PRRC1: variants seen among roughly 807,000 people sequenced by gnomAD.
PRRC1 encodes the protein protein PRRC1.
In PRRC1, 39 loss-of-function variants were observed where a neutral mutation model predicts 40.7. The ratio of observed to expected loss-of-function variants is 0.96; its 90% CI spans 0.74 to 1.25. The LOEUF is 1.25. PRRC1 is among the 50% of genes most tolerant of loss of function. PRRC1 has a pLI of 0.00. For synonymous variants in PRRC1, 175 were observed against 193.3 expected, an observed-to-expected ratio of 0.91 and a Z score of 0.79; for missense variants, 573 against 548.3, an observed-to-expected ratio of 1.05 and a Z score of -0.45.
chr5:127,530,695 A>G (rs1314170547), intron 5 of PRRC1, among the ~76,000 whole-genome samples: 5 of 151,546 alleles, frequency 3.3e-5, no homozygotes, highest in Non-Finnish European at 7.4e-5. Context: ...ATTGCTTTAT[A>G]TGAATTTTAC....
In PRRC1 at chr5:127,530,313, T is replaced by C; in HGVS notation, c.674T>C (p.Met225Thr). The C allele has an allele frequency of 1.2e-6, 2 of 1,613,866 alleles. No individual in the cohort carries two copies. Among genetic ancestry groups the C allele is most frequent in the South Asian group, 2.2e-5 (2 of 91,044 alleles). The change falls in exon 5 of 9, where the codon ATG (methionine) becomes ACG (threonine). Residue 225 changes from methionine (M) to threonine (T), a missense_variant. Met to Thr is a moderately conservative substitution (Grantham distance 81). Coordinates refer to ENST00000296666, the MANE Select transcript of PRRC1 (RefSeq NM_130809.5). Reference sequence around the variant, plus strand: ...ATGCAGGGTGTGGCTGGGAATCCTATGGTGAAGTCTGTGCTTGATAAGACA... The same window carrying C: ...ATGCAGGGTGTGGCTGGGAATCCTACGGTGAAGTCTGTGCTTGATAAGACA... The part of the protein sequence containing the change: ...GFIKGVAGNP[M>T]VKSVLDKTKH...
chr5:127,552,324 A>C lies in PRRC1; in HGVS notation c.*408A>C. The C allele has an allele frequency of 3.9e-6, 4 of 1,024,860 alleles. No homozygotes were observed. The highest frequency in any genetic ancestry group is 4.7e-6 in the Non-Finnish European group (4 of 852,708). 63.5% of individuals were successfully genotyped at this position (1,024,860 alleles called of 1,614,324 possible). A position where few individuals can be genotyped will look rare whatever the true frequency, so the allele number is the denominator to read the frequency against. ...TAAAAGCATGATTTGCTTTGGCTTCATCTCTTTTCTGTCAGTCTTTGACTA... is the reference window on the plus strand; with the variant it reads ...TAAAAGCATGATTTGCTTTGGCTTCCTCTCTTTTCTGTCAGTCTTTGACTA... On this transcript the variant is annotated 3_prime_UTR_variant, in exon 9 of 9. Coordinates refer to ENST00000296666, the MANE Select transcript of PRRC1 (RefSeq NM_130809.5).
chr5:127,519,970 T>A (rs1446081221), intron 1 of PRRC1, among the ~76,000 whole-genome samples: 3 of 152,196 alleles, frequency 2.0e-5, no homozygotes, highest in African/African-American at 7.2e-5. Context: ...ATGCCTCCTT[T>A]CCCTTCCTCC....
chr5:127,530,928 A>T (rs1181414235), intron 5 of PRRC1, among the ~76,000 whole-genome samples: 3 of 152,200 alleles, frequency 2.0e-5, no homozygotes, highest in African/African-American at 7.2e-5. Context: ...GACAGTTGAT[A>T]GATACTGTCT....
chr5:127,542,342 T>C (rs1211822254), intron 7 of PRRC1, among the ~76,000 whole-genome samples: 2 of 151,990 alleles, frequency 1.3e-5, no homozygotes, highest in Non-Finnish European at 1.5e-5. Flanking sequence ...GAAAAAAATG[T>C]ATATTCTGTT....
At chr5:127,526,212 A>G (rs1767609145) in intron 3 of PRRC1, among the ~76,000 whole-genome samples, 1 of 152,190 alleles carries the variant, frequency 6.6e-6, no homozygotes, top group Non-Finnish European at 1.5e-5. Flanking sequence ...ATGTCTATGT[A>G]TATGTGAATT....
intron 4 of PRRC1, 135 bp downstream of exon 4, chr5:127,526,913 C>A: frequency 1.4e-6 from 1 of 697,288 alleles, no homozygotes; most frequent in Non-Finnish European, 2.2e-6. Flanking sequence ...TCTGTAGCTG[C>A]TCTCAGTCTC....
intron 5 of PRRC1, among the ~76,000 whole-genome samples, chr5:127,531,815 A>T (rs1767781116): frequency 1.3e-5 from 2 of 151,542 alleles, no homozygotes; most frequent in African/African-American, 2.4e-5. Flanking sequence ...GGGTTTCTCC[A>T]TGTTGGCCAG....
chr5:127,529,789 C>G (rs7732306), intron 4 of PRRC1, among the ~76,000 whole-genome samples: 18,558 of 152,032 alleles, frequency 0.12, 2,243 homozygotes, highest in African/African-American at 0.32. Context: ...AAAGAAGAAA[C>G]TAGTAGAAGA....
chr5:127,533,297 A>G (rs549697064), intron 5 of PRRC1, among the ~76,000 whole-genome samples: 1 of 152,316 alleles, frequency 6.6e-6, no homozygotes, highest in Admixed American at 6.5e-5. Context: ...ATCACTTACT[A>G]TCAGTAAGTC....
At position 127,553,376 on chromosome 5, in the gene PRRC1, A is replaced by G; in HGVS notation, c.*1460A>G. ...TCCAAGCACTGTATAATGACTGTTCAGTGAATATCAGACTTCCGTGTCATT... is the reference window on the plus strand; with the variant it reads ...TCCAAGCACTGTATAATGACTGTTCGGTGAATATCAGACTTCCGTGTCATT... On this transcript the variant is annotated 3_prime_UTR_variant, in exon 9 of 9. Transcript: ENST00000296666. The G allele has an allele frequency of 5.9e-6, 6 of 1,016,096 alleles. No homozygotes were observed. The highest frequency in any genetic ancestry group is 7.1e-6 in the Non-Finnish European group (6 of 850,868). The allele number at this position is 1,016,096 out of a possible 1,614,324, so 62.9% of individuals were successfully genotyped here. A position where few individuals can be genotyped will look rare whatever the true frequency, so the allele number is the denominator to read the frequency against.
At chr5:127,548,525 G>A (rs1768288162) in intron 8 of PRRC1, 1 of 140,066 alleles carries the variant, frequency 7.1e-6, no homozygotes, top group African/African-American at 2.7e-5. Context: ...ATATATACTT[G>A]CATTGGAATC....
In PRRC1 at chr5:127,553,562, T is replaced by C. The variant is rs143376099; in HGVS notation, c.*1646T>C. On this transcript the variant is annotated 3_prime_UTR_variant, in exon 9 of 9. Coordinates refer to ENST00000296666, the MANE Select transcript of PRRC1 (RefSeq NM_130809.5). The stretch of plus-strand genomic sequence containing the variant: ...TATTTTAAAAGCTATCCTTTTCTAG[T>C]AGTATTTTATCATGGCAATGGCATG... 7.2e-6 allele frequency: 9 copies of C among 1,249,298 alleles called. No homozygotes were observed. The East Asian group carries it at 3.9e-4, about 54-fold the overall frequency. The allele number at this position is 1,249,298 out of a possible 1,614,324, so 77.4% of individuals were successfully genotyped here. A position where few individuals can be genotyped will look rare whatever the true frequency, so the allele number is the denominator to read the frequency against.
chr5:127,528,554 C>T (rs1345690879), intron 4 of PRRC1, among the ~76,000 whole-genome samples: 4 of 151,856 alleles, frequency 2.6e-5, no homozygotes, highest in Admixed American at 2.0e-4. Flanking sequence ...TGACCTCAGG[C>T]GATCTGCCCG....
intron 8 of PRRC1, 188 bp downstream of exon 8, chr5:127,548,109 T>C: frequency 1.6e-6 from 1 of 638,334 alleles, no homozygotes; most frequent in South Asian, 1.9e-5. Context: ...ACCTTCCTCC[T>C]TTTGTTTTCC....
chr5:127,523,526 C>CT lies in PRRC1; in HGVS notation c.47_48insT (p.Pro17ThrfsTer88). On this transcript the variant is annotated frameshift_variant, in exon 2 of 9. Coordinates refer to ENST00000296666, the MANE Select transcript of PRRC1 (RefSeq NM_130809.5). LOFTEE classifies it high-confidence loss of function. ...GAGACAACACCACCTGGGACTCCTC[C>CT]ACCAAATCCTGCAGGGCTGGCTGCT... The CT allele has an allele frequency of 6.2e-7, 1 of 1,613,226 alleles. No homozygotes were observed. Among genetic ancestry groups the CT allele is most frequent in the Non-Finnish European group, 8.5e-7 (1 of 1,179,768 alleles).
rs774613831 is a variant in PRRC1 at position 127,533,650 on chromosome 5, T to G, written c.785T>G (p.Val262Gly). 6.2e-7 allele frequency: 1 copy of G among 1,614,064 alleles called. No individual in the cohort carries two copies. The highest frequency in any genetic ancestry group is 8.5e-7 in the Non-Finnish European group (1 of 1,179,928). The change falls in exon 6 of 9, where the codon GTG becomes GGG. Residue 262 changes from valine (V) to glycine (G), a missense_variant. By Grantham distance (109) the Val-to-Gly change is moderately radical (BLOSUM62 -3). Coordinates refer to ENST00000296666, the MANE Select transcript of PRRC1 (RefSeq NM_130809.5). ...IKSGGELDIV[V>G]TSNKEVKVAA... is the part of the protein sequence containing the mutation. ...TCTGGAGGTGAACTGGATATTGTAG[T>G]GACCTCAAATAAAGAAGTAAAAGTT...
intron 7 of PRRC1, 32 bp downstream of exon 7, chr5:127,539,175 A>G (rs994559394): frequency 4.5e-6 from 7 of 1,547,496 alleles, no homozygotes; most frequent in Non-Finnish European, 6.2e-6. Flanking sequence ...TGGAAGCAAA[A>G]TATAATTGGG....
chr5:127,527,757 CA>C (rs11395244), intron 4 of PRRC1, among the ~76,000 whole-genome samples: 2,755 of 80,206 alleles, frequency 0.034, 48 homozygotes, highest in African/African-American at 0.11. Flanking sequence ...GACACTGTCT[CA>C]AAAAAAAAAA....
Sources: allele counts gnomAD v4.1 joint callset (sites outside exome capture counted in the v4.1 genomes callset), GRCh38; gene constraint gnomAD v4.1.1; transcripts MANE v1.5; gene names NCBI Gene and HGNC (gene_info 2026-07-23, HGNC 2026-07-21).